The following UTRN variants were observed in gnomAD, a reference collection of about 807,000 sequenced individuals.
UTRN encodes utrophin.
In UTRN, 283 loss-of-function variants were observed where a neutral mutation model predicts 463.9. The ratio of observed to expected loss-of-function variants is 0.61; its 90% confidence interval spans 0.55 to 0.67. The LOEUF (loss-of-function observed/expected upper bound fraction) is 0.67. Among genes scored for constraint, UTRN ranks in the 30% least tolerant of loss-of-function variants. The probability of loss-of-function intolerance (pLI) is 0.00; values close to 1 mark genes in which losing one functional copy is unlikely to be tolerated. For missense variants in UTRN, 3,922 were observed against 4,084.3 expected (o/e 0.96, Z 1.08); for synonymous variants, 1,442 against 1,431.5 (o/e 1.01, Z -0.17).
intron 17 of UTRN, among the ~76,000 whole-genome samples, chr6:144,450,866 T>C (rs1171335142): frequency 6.6e-6 from 1 of 152,182 alleles, no homozygotes; most frequent in Middle Eastern, 3.2e-3. Context: ...TGGTGGGTCA[T>C]GACTGTAATC....
chr6:144,486,361 C>T (rs550788245), intron 28 of UTRN, among the ~76,000 whole-genome samples: 6 of 152,092 alleles, frequency 3.9e-5, no homozygotes, highest in African/African-American at 9.6e-5. Flanking sequence ...AGAGTGAATA[C>T]GTATATATTC....
intron 41 of UTRN, among the ~76,000 whole-genome samples, chr6:144,527,746 C>T (rs1194036002): frequency 1.3e-5 from 2 of 152,204 alleles, no homozygotes; most frequent in East Asian, 3.9e-4. Context: ...TGTCTTTGAG[C>T]TCTGAGGTTT....
intron 40 of UTRN, 29 bp downstream of exon 40, chr6:144,522,200 G>T (rs1328332881): frequency 7.0e-7 from 1 of 1,433,654 alleles, no homozygotes; most frequent in African/African-American, 1.5e-5. Flanking sequence ...TGTTTGAATG[G>T]CCACAGTTAA....
chr6:144,558,097 C>T (rs1057145647), intron 50 of UTRN, among the ~76,000 whole-genome samples: 8 of 152,140 alleles, frequency 5.3e-5, no homozygotes, highest in South Asian at 4.1e-4. Flanking sequence ...TCTATTTTGA[C>T]GTGAATAAAA....
At chr6:144,324,787 G>A (rs1330256427) in intron 2 of UTRN, among the ~76,000 whole-genome samples, 1 of 152,200 alleles carries the variant, frequency 6.6e-6, no homozygotes, top group Admixed American at 6.5e-5. Context: ...TGGTCAAATG[G>A]AAGTGGAAAT....
chr6:144,547,859 C>T (rs1468238939), intron 46 of UTRN, among the ~76,000 whole-genome samples: 1 of 152,158 alleles, frequency 6.6e-6, no homozygotes, highest in African/African-American at 2.4e-5. Flanking sequence ...TTGTTACATT[C>T]AAGCCTGTTG....
chr6:144,557,016 A>C (rs182352115), intron 49 of UTRN, 141 bp from the exon 50 acceptor site: 1 of 1,058,550 alleles, frequency 9.4e-7, no homozygotes, highest in Admixed American at 3.5e-5. Flanking sequence ...ACATATAACA[A>C]AAGGGTTTGC....
At chr6:144,561,137 A>G (rs963637708) in intron 50 of UTRN, among the ~76,000 whole-genome samples, 1 of 146,458 alleles carries the variant, frequency 6.8e-6, no homozygotes, top group Non-Finnish European at 1.5e-5. Context: ...GTCAGTGTGG[A>G]TGCCTGATTT....
intron 56 of UTRN, among the ~76,000 whole-genome samples, chr6:144,754,193 T>G (rs760009137): frequency 3.1e-4 from 47 of 152,090 alleles, no homozygotes; most frequent in Non-Finnish European, 6.3e-4. Context: ...CCCATAACAC[T>G]TTTTACCATC....
chr6:144,690,882 C>G (rs1783329686), intron 52 of UTRN, among the ~76,000 whole-genome samples: 1 of 152,266 alleles, frequency 6.6e-6, no homozygotes, highest in African/African-American at 2.4e-5. Context: ...AATTTTTGGC[C>G]TGGCTCATGA....
chr6:144,444,343 A>G lies in UTRN; in HGVS notation c.1575A>G (p.Gln525=), dbSNP rs777745058. 4 of 1,610,876 alleles carry G rather than the reference A, an allele frequency of 2.5e-6. No homozygotes were observed. In the African/African-American group the frequency reaches 5.3e-5, roughly 22 times the overall value. Residue 525 remains glutamine (Q), a synonymous_variant, in exon 14 of 75, where the codon CAA becomes CAG. Transcript: ENST00000367545. ...CTGAAGAACGCTGGAATAGGTTACA[A>G]GAAATCAATATATTGTGGCAGGAAT... The part of the protein sequence containing the change: ...RWTEERWNRL[Q]EINILWQELL...
chr6:144,746,661 G>A (rs1474967680), intron 54 of UTRN, among the ~76,000 whole-genome samples: 2 of 151,736 alleles, frequency 1.3e-5, no homozygotes, highest in African/African-American at 4.8e-5. Context: ...ATTTTTAGTA[G>A]AGATGGGGTT....
intron 69 of UTRN, among the ~76,000 whole-genome samples, chr6:144,829,256 C>T (rs573025598): frequency 1.2e-4 from 19 of 152,062 alleles, no homozygotes; most frequent in African/African-American, 3.4e-4. Context: ...TCCATAATAT[C>T]TGCATTTAGC....
Position 144,485,452 on chromosome 6 carries a change from T to A in UTRN, c.3755T>A (p.Leu1252Ter). The A allele has an allele frequency of 6.2e-7, 1 of 1,614,196 alleles. No homozygotes were observed. Among genetic ancestry groups the A allele is most frequent in the South Asian group, 1.1e-5 (1 of 91,088 alleles). The part of the protein sequence containing the change: ...LDLETTWLNT[L>*]EERMKSTEVL... ...CTTGAAACTACCTGGTTAAACACTT[T>A]GGAAGAGCGGATGAAGAGCACAGAG... The change falls in exon 28 of 75, where the codon TTG becomes TAG. Residue 1252 changes from leucine (L) to a stop codon, truncating the protein, a stop_gained. Transcript: ENST00000367545. LOFTEE classifies it high-confidence loss of function.
At chr6:144,694,542 C>A (rs971821850) in intron 52 of UTRN, among the ~76,000 whole-genome samples, 7 of 151,946 alleles carry the variant, frequency 4.6e-5, no homozygotes, top group Non-Finnish European at 8.8e-5. Flanking sequence ...GGGTGGTAAG[C>A]TATTTATTAC....
At chr6:144,446,455 A>T (rs1787702454) in intron 14 of UTRN, among the ~76,000 whole-genome samples, 1 of 152,234 alleles carries the variant, frequency 6.6e-6, no homozygotes, top group South Asian at 2.1e-4. Flanking sequence ...TTGCAAATAC[A>T]GAACCAAGTT....
chr6:144,286,003 G>C lies in UTRN; in HGVS notation c.-93+182G>C, dbSNP rs892193381. On this transcript the variant is annotated intron_variant, in intron 1 of 74. Transcript: ENST00000367545. This position sits in a 1 kb window ranked among gnomAD's most constrained non-coding sequence, Gnocchi z 4.4. ...AGTAACTTTTGCGTGCCCTTTCCTC[G>C]GGGCCTCAGTTTAGCTCCCCGCGGT... 6.6e-6 allele frequency among the ~76,000 whole-genome samples: 1 copy of C among 152,180 alleles called. No homozygotes were observed. The highest frequency in any genetic ancestry group is 1.5e-5 in the Non-Finnish European group (1 of 68,028).
At chr6:144,641,701 A>G (rs11155365) in intron 51 of UTRN, among the ~76,000 whole-genome samples, 15,978 of 152,192 alleles carry the variant, frequency 0.1, 1,452 homozygotes, top group East Asian at 0.52. Context: ...TGCCATGCTT[A>G]TATTAAGTAG....
chr6:144,702,305 T>C (rs1233657850), intron 53 of UTRN, among the ~76,000 whole-genome samples: 2 of 152,214 alleles, frequency 1.3e-5, no homozygotes, highest in East Asian at 1.9e-4. Flanking sequence ...TTTTGCTCTA[T>C]CTTAGAGCAC....
Sources: gnomAD v4.1 joint callset for allele counts (sites outside exome capture counted in the v4.1 genomes callset) on GRCh38, gnomAD v4.1.1 for gene constraint, Gnocchi (gnomAD v3.1) non-coding constraint, MANE v1.5 for transcripts, NCBI Gene and HGNC (gene_info 2026-07-23, HGNC 2026-07-21) for gene names.